The following SPATA13 variants were observed in gnomAD, a reference collection of about 807,000 sequenced individuals.
SPATA13 encodes spermatogenesis-associated protein 13.
In SPATA13, 50 loss-of-function variants were observed where a neutral mutation model predicts 104.0. The observed-to-expected ratio is 0.48, with a 90% CI of 0.38 to 0.61. The LOEUF is 0.61. Among genes scored for constraint, SPATA13 ranks in the 20% least tolerant of loss-of-function variants. The pLI is 0.00. For synonymous variants in SPATA13, 606 were observed against 667.5 expected (o/e 0.91, Z 1.42); for missense variants, 1,524 against 1,690.6 (o/e 0.90, Z 1.73).
intron 2 of SPATA13, among the ~76,000 whole-genome samples, chr13:23,998,968 C>G (rs1593266302): frequency 6.6e-6 from 1 of 150,870 alleles, no homozygotes; most frequent in Non-Finnish European, 1.5e-5. Context: ...CTGTGTCACC[C>G]AGGCTGGAGT....
intron 1 of SPATA13, among the ~76,000 whole-genome samples, chr13:24,181,091 T>A (rs1868774278): frequency 6.6e-6 from 1 of 151,526 alleles, no homozygotes; most frequent in Non-Finnish European, 1.5e-5. Flanking sequence ...GTATAAAAGT[T>A]TTTTTTTTAA....
intron 3 of SPATA13, among the ~76,000 whole-genome samples, chr13:24,026,609 G>A (rs1053866622): frequency 5.9e-5 from 9 of 151,998 alleles, no homozygotes; most frequent in African/African-American, 1.2e-4. Context: ...ACAGAGTCTC[G>A]CTCTGTCACC....
chr13:24,293,272 GA>G (rs1876535336), intron 9 of SPATA13, among the ~76,000 whole-genome samples: 1 of 148,976 alleles, frequency 6.7e-6, no homozygotes, highest in African/African-American at 2.5e-5. Context: ...CAAAATTGAA[GA>G]AAAAAAATTA....
At chr13:24,045,595 TAC>T (rs1454759133) in intron 3 of SPATA13, among the ~76,000 whole-genome samples, 1 of 152,180 alleles carries the variant, frequency 6.6e-6, no homozygotes, top group Non-Finnish European at 1.5e-5. Context: ...CTGTAAACAA[TAC>T]CAGGCTCATG....
At chr13:24,254,227 C>T (rs1873664511) in intron 4 of SPATA13, 1 of 152,124 alleles carries the variant, frequency 6.6e-6, no homozygotes, top group African/African-American at 2.4e-5. Context: ...GGAAGTACTT[C>T]TCCCTTGGGC....
At chr13:24,006,662 C>G (rs756841722) in intron 2 of SPATA13, among the ~76,000 whole-genome samples, 1 of 152,142 alleles carries the variant, frequency 6.6e-6, no homozygotes, top group Non-Finnish European at 1.5e-5. Flanking sequence ...GTCTTAGGGG[C>G]CTGCACGGCT....
At chr13:24,248,501 A>G (rs140275036) in intron 2 of SPATA13, among the ~76,000 whole-genome samples, 1 of 152,358 alleles carries the variant, frequency 6.6e-6, no homozygotes, top group East Asian at 1.9e-4. Flanking sequence ...TGCCTCATTT[A>G]GGATCATAGA....
chr13:24,163,138 T>C (rs1007788014), intron 1 of SPATA13, among the ~76,000 whole-genome samples: 1 of 152,204 alleles, frequency 6.6e-6, no homozygotes, highest in African/African-American at 2.4e-5. Flanking sequence ...GGCTCATGCC[T>C]GTAATCCCAG....
At position 24,122,617 on chromosome 13, in the gene SPATA13, C is replaced by T. The variant is rs116200228; in HGVS notation, c.-111-100202C>T. On this transcript the variant is annotated intron_variant, in intron 3 of 14. Transcript: ENST00000424834. ...CACTCTGCATCTTCTCCTGCAACTC[C>T]TGTAAGAACCTTTTTGCACATACTG... The T allele has an allele frequency of 3.6e-3, 5,170 of 1,427,354 alleles. 126 individuals carry two copies. The African/African-American group carries it at 0.061, about 17-fold the overall frequency. 88.4% of individuals were successfully genotyped at this position (1,427,354 alleles called of 1,614,324 possible).
chr13:24,242,011 C>T (rs1369045578), intron 2 of SPATA13, among the ~76,000 whole-genome samples: 2 of 151,476 alleles, frequency 1.3e-5, no homozygotes, highest in East Asian at 3.9e-4. Context: ...ACAGATCGCG[C>T]TACTTACTTC....
chr13:24,011,069 G>C lies in SPATA13; in HGVS notation c.-146-6598G>C, dbSNP rs1381430722. 6.6e-6 allele frequency among the ~76,000 whole-genome samples: 1 copy of C among 152,060 alleles called. No individual in the cohort carries two copies. Among genetic ancestry groups the C allele is most frequent in the Non-Finnish European group, 1.5e-5 (1 of 68,006 alleles). ...ATATGCCTGCACTCTGCAGTTTGCT[G>C]ACTCCTCTGCAACCTTGGCTTTGGT... On this transcript the variant is annotated intron_variant, in intron 2 of 14. Coordinates refer to the SPATA13 transcript ENST00000424834. The surrounding 1 kb of genome is among the most constrained non-coding windows in gnomAD (Gnocchi z 4.3).
At chr13:24,173,354 G>C (rs1244263095) in intron 1 of SPATA13, among the ~76,000 whole-genome samples, 1 of 125,684 alleles carries the variant, frequency 8.0e-6, no homozygotes, top group Non-Finnish European at 1.7e-5. Context: ...TCACTCATTA[G>C]TTCTTAGTTG....
chr13:24,099,749 C>T (rs140686786), intron 3 of SPATA13, among the ~76,000 whole-genome samples: 1 of 152,172 alleles, frequency 6.6e-6, no homozygotes, highest in South Asian at 2.1e-4. Context: ...ACTCCAGATT[C>T]AGGGAATGTG....
chr13:24,247,855 G>A (rs1032222071), intron 2 of SPATA13, among the ~76,000 whole-genome samples: 17 of 152,082 alleles, frequency 1.1e-4, no homozygotes, highest in Non-Finnish European at 2.5e-4. Context: ...GCGAGCCTGG[G>A]GCCCGGGGTC....
intron 3 of SPATA13, among the ~76,000 whole-genome samples, chr13:24,067,702 T>TTTTTG (rs1406065824): frequency 2.0e-5 from 3 of 152,178 alleles, no homozygotes; most frequent in Non-Finnish European, 4.4e-5. Context: ...GCATGATTTC[T>TTTTTG]TTTTGTTTTG....
chr13:24,080,919 C>G (rs1310470445), intron 3 of SPATA13, among the ~76,000 whole-genome samples: 1 of 152,172 alleles, frequency 6.6e-6, no homozygotes, highest in Admixed American at 6.5e-5. Flanking sequence ...TCTTCTGTCC[C>G]CTCACCTCCT....
chr13:23,985,906 A>G (rs1875128052), intron 2 of SPATA13, among the ~76,000 whole-genome samples: 1 of 152,184 alleles, frequency 6.6e-6, no homozygotes, highest in African/African-American at 2.4e-5. Flanking sequence ...GAAGAGACAC[A>G]CAGGGACGAG....
At chr13:23,989,913 G>C (rs888255702) in intron 2 of SPATA13, among the ~76,000 whole-genome samples, 2 of 152,170 alleles carry the variant, frequency 1.3e-5, no homozygotes, top group African/African-American at 2.4e-5. Context: ...CTGTGAGCCA[G>C]AAAGTGGGCA....
chr13:24,179,395 G>A (rs529411104), intron 1 of SPATA13, among the ~76,000 whole-genome samples: 1 of 152,284 alleles, frequency 6.6e-6, no homozygotes, highest in Non-Finnish European at 1.5e-5. Flanking sequence ...ATTTCCATCA[G>A]CTATGTATGG....
Sources: allele counts gnomAD v4.1 joint callset (sites outside exome capture counted in the v4.1 genomes callset), GRCh38; gene constraint gnomAD v4.1.1; non-coding constraint Gnocchi (gnomAD v3.1); transcripts MANE v1.5; gene names NCBI Gene and HGNC (gene_info 2026-07-23, HGNC 2026-07-21).